The following PSG6 variants were observed in gnomAD, a reference collection of about 807,000 sequenced individuals.
PSG6 encodes the protein pregnancy specific beta-1-glycoprotein 6, also known as pregnancy-specific beta-1-glycoprotein 6.
In PSG6, 51 loss-of-function variants were observed where a neutral mutation model predicts 43.3. The ratio of observed to expected loss-of-function variants is 1.18; its 90% confidence interval spans 0.94 to 1.49. The LOEUF (loss-of-function observed/expected upper bound fraction) is 1.49. PSG6 is among the 40% of genes most tolerant of loss of function. PSG6 has a pLI of 0.00. For synonymous variants in PSG6, 292 were observed against 197.6 expected (o/e 1.48, Z -4.01); for missense variants, 770 against 522.2 (o/e 1.47, Z -4.62).
At chr19:42,905,700 A>G (rs1423510694) in intron 5 of PSG6, among the ~76,000 whole-genome samples, 1 of 151,744 alleles carries the variant, frequency 6.6e-6, no homozygotes, top group Non-Finnish European at 1.5e-5. Flanking sequence ...TGGGTAGGCA[A>G]ATGAGATGTA....
chr19:42,907,439 C>A (rs1972136013), intron 4 of PSG6, 137 bp downstream of exon 4: 1 of 1,514,754 alleles, frequency 6.6e-7, no homozygotes, highest in Non-Finnish European at 8.9e-7. Context: ...TTTCCCAGGG[C>A]AGGGAGTCAT....
At position 42,916,579 on chromosome 19, in the gene PSG6, A is replaced by G. The variant is rs1242656918; in HGVS notation, c.65-92T>C. 6.7e-6 allele frequency: 10 copies of G among 1,482,094 alleles called. No homozygotes were observed. In the Admixed American group the frequency reaches 1.0e-4, roughly 15 times the overall value. 91.8% of individuals were successfully genotyped at this position (1,482,094 alleles called of 1,614,324 possible). On this transcript the variant is annotated intron_variant, in intron 1 of 5. Transcript: ENST00000187910. The stretch of plus-strand genomic sequence containing the variant: ...GTGTCCTGAGAAGGTCTCTTCAATC[A>G]TCAGCCTTGAAGATATGCACACACA...
At chr19:42,912,423 G>C (rs1205533113) in intron 2 of PSG6, among the ~76,000 whole-genome samples, 2 of 151,802 alleles carry the variant, frequency 1.3e-5, no homozygotes, top group Non-Finnish European at 2.9e-5. Flanking sequence ...ATAAGGTTTA[G>C]GTGTGCCATG....
intron 2 of PSG6, among the ~76,000 whole-genome samples, chr19:42,913,219 C>T (rs926511420): frequency 6.6e-6 from 1 of 151,534 alleles, no homozygotes; most frequent in Admixed American, 6.6e-5. Flanking sequence ...GGCATGATCT[C>T]AGCTCACTGC....
rs1972084358 is a variant in PSG6 at position 42,904,626 on chromosome 19, G to T, written c.1241-2180C>A. ...TACCTGAAATCTACAAAGTATTGCT[G>T]AAAGAAATGAAAGATGACATCAATA... On this transcript the variant is annotated intron_variant, in intron 5 of 5. Transcript: ENST00000187910. 2.6e-5 allele frequency among the ~76,000 whole-genome samples: 4 copies of T among 151,674 alleles called. 1 individual carries two copies. In the South Asian group the frequency reaches 8.4e-4, roughly 32 times the overall value.
intron 2 of PSG6, among the ~76,000 whole-genome samples, chr19:42,913,513 G>C (rs1972266843): frequency 6.6e-6 from 1 of 151,618 alleles, no homozygotes; most frequent in Non-Finnish European, 1.5e-5. Context: ...TGTTAGAACC[G>C]AGTGACAAAT....
rs752137945 is a variant in PSG6, at chr19:42,907,607, G to C, written c.954C>G (p.Ile318Met). 13 of 1,612,042 alleles carry C rather than the reference G, an allele frequency of 8.1e-6. No individual in the cohort carries two copies. The South Asian group carries it at 9.9e-5, about 12-fold the overall frequency. The change falls in exon 4 of 6, where the codon ATC (isoleucine) becomes ATG (methionine). Residue 318 changes from isoleucine to methionine, a missense_variant. Physicochemically the swap from Ile to Met is conservative, Grantham distance 10 (BLOSUM62 1). Transcript: ENST00000187910. ...CATTCAGGGTGACTGGGTTACTGCG[G>C]ATGCCACCATATCGGTCCCGTATTT... ...QCEIRDRYGG[I>M]RSNPVTLNVL...
chr19:42,913,963 A>G (rs1457077983), intron 2 of PSG6, among the ~76,000 whole-genome samples: 3 of 151,536 alleles, frequency 2.0e-5, no homozygotes, highest in Non-Finnish European at 4.4e-5. Flanking sequence ...ATAAACCTCC[A>G]CCCTCCTGTT....
At chr19:42,906,085 C>T (rs755670076) in intron 5 of PSG6, among the ~76,000 whole-genome samples, 2 of 151,588 alleles carry the variant, frequency 1.3e-5, no homozygotes, top group Non-Finnish European at 1.5e-5. Flanking sequence ...CTTGCCCTCT[C>T]TATAATTACA....
chr19:42,903,732 A>G, intron 5 of PSG6: 1 of 1,521,762 alleles, frequency 6.6e-7, no homozygotes, highest in African/African-American at 1.4e-5. Flanking sequence ...CTACAAAAAA[A>G]AAAAAAACCA....
At chr19:42,903,715 G>C (rs1226452146) in intron 5 of PSG6, 3 of 1,510,748 alleles carry the variant, frequency 2.0e-6, no homozygotes, top group Admixed American at 2.2e-5. Flanking sequence ...CTGGGGAGAT[G>C]CTGTCTCTAC....
chr19:42,903,440 T>G (rs142926074), intron 5 of PSG6, among the ~76,000 whole-genome samples: 2,720 of 151,186 alleles, frequency 0.018, 137 homozygotes, highest in African/African-American at 0.063. Context: ...AAATAATAAG[T>G]ATTAGGGTGG....
rs778909429 is a variant in PSG6 at position 42,907,661 on chromosome 19, C to T, written c.900G>A (p.Thr300=). Residue 300 remains threonine (T), a synonymous_variant, in exon 4 of 6, where the codon ACG becomes ACA. Coordinates refer to ENST00000187910, the MANE Select transcript of PSG6 (RefSeq NM_001031850.4). The part of the protein sequence containing the change: ...ENRILILPSV[T]RNETGPYQCE... ...ATTGATAGGGTCCTGTTTCATTTCT[C>T]GTGACACTGGGTAGAATGAGTATCC... The T allele has an allele frequency of 1.1e-4, 185 of 1,611,192 alleles. No homozygotes were observed. The highest frequency in any genetic ancestry group is 1.3e-4 in the Non-Finnish European group (158 of 1,179,138).
intron 2 of PSG6, among the ~76,000 whole-genome samples, chr19:42,914,144 A>G (rs1972279012): frequency 6.6e-6 from 1 of 151,618 alleles, no homozygotes. Flanking sequence ...TCCACAGGTC[A>G]GCCTCACAAA....
chr19:42,914,151 C>CG (rs1782653837), intron 2 of PSG6, among the ~76,000 whole-genome samples: 1 of 151,510 alleles, frequency 6.6e-6, no homozygotes, highest in Non-Finnish European at 1.5e-5. Flanking sequence ...GTCAGCCTCA[C>CG]AAAGGGAAAG....
intron 3 of PSG6, among the ~76,000 whole-genome samples, chr19:42,908,224 C>A (rs1972155876): frequency 6.6e-6 from 1 of 151,630 alleles, no homozygotes; most frequent in African/African-American, 2.4e-5. Context: ...TTCCAAATTA[C>A]ATCCTACTTT....
At chr19:42,911,719 T>C (rs562085495) in intron 2 of PSG6, among the ~76,000 whole-genome samples, 6 of 151,818 alleles carry the variant, frequency 4.0e-5, no homozygotes, top group Non-Finnish European at 7.4e-5. Context: ...GACAGAAGTC[T>C]GGCCCTCAGG....
At chr19:42,908,667 C>T (rs1972163416) in intron 3 of PSG6, among the ~76,000 whole-genome samples, 1 of 151,686 alleles carries the variant, frequency 6.6e-6, no homozygotes, top group Non-Finnish European at 1.5e-5. Flanking sequence ...TGGACATTTG[C>T]AAATGCAGAA....
intron 5 of PSG6, among the ~76,000 whole-genome samples, chr19:42,902,908 T>C (rs1277153205): frequency 1.3e-5 from 2 of 151,706 alleles, no homozygotes; most frequent in East Asian, 1.9e-4. Context: ...ACCGCTTTTT[T>C]CATATCTATG....
Sources: allele counts gnomAD v4.1 joint callset (sites outside exome capture counted in the v4.1 genomes callset), GRCh38; gene constraint gnomAD v4.1.1; transcripts MANE v1.5; gene names NCBI Gene and HGNC (gene_info 2026-07-23, HGNC 2026-07-21).